FMNL3: variants seen among roughly 807,000 people sequenced by gnomAD.
The protein encoded by FMNL3 is formin like 3, also known as formin-like protein 3.
Under a neutral mutation model 119.6 loss-of-function variants are expected in FMNL3, and 57 were observed. That is an observed-to-expected ratio of 0.48 (90% confidence interval 0.39 to 0.59). The LOEUF (loss-of-function observed/expected upper bound fraction) is 0.59, where lower values mean the gene tolerates loss of function less well. Among genes scored for constraint, FMNL3 ranks in the 20% least tolerant of loss-of-function variants. The pLI is 0.00. For missense variants in FMNL3, 1,053 were observed against 1,323.5 expected, an observed-to-expected ratio of 0.80 and a Z score of 3.17; for synonymous variants, 491 against 507.3, an observed-to-expected ratio of 0.97 and a Z score of 0.43.
rs112175147 is a variant in FMNL3, at chr12:49,649,201, T to C, written c.2386-43A>G. ...GGCGGTGCACAAGAGCTAAGCACTCTGGCTCCACAACTGCTGCCCCCCAGG... is the reference window on the plus strand; with the variant it reads ...GGCGGTGCACAAGAGCTAAGCACTCCGGCTCCACAACTGCTGCCCCCCAGG... On this transcript the variant is annotated intron_variant, in intron 20 of 25. Coordinates refer to ENST00000335154, the MANE Select transcript of FMNL3 (RefSeq NM_175736.5). The surrounding 1 kb of genome is among the most constrained non-coding windows in gnomAD (Gnocchi z 5.6). 1.0e-4 allele frequency: 167 copies of C among 1,612,850 alleles called. No homozygotes were observed. In the African/African-American group the frequency reaches 1.9e-3, roughly 19 times the overall value.
In FMNL3 at chr12:49,645,982, A is replaced by T; in HGVS notation, c.2996-79T>A. The T allele has an allele frequency of 2.4e-6, 3 of 1,247,386 alleles. No individual in the cohort carries two copies. The South Asian group carries it at 4.0e-5, about 17-fold the overall frequency. 77.3% of individuals were successfully genotyped at this position (1,247,386 alleles called of 1,614,324 possible). ...TGCCCTCAAGAGCAGCCCCACAGGT[A>T]GGGCCAGGGAGGAGCCAGCAGTGAG... On this transcript the variant is annotated intron_variant, in intron 25 of 25. Transcript: ENST00000335154.
Position 49,645,740 on chromosome 12 carries a change from C to T in FMNL3, c.*75G>A. ...GAGCAACACAGCCCTCTCCTGAGCC[C>T]TTGGCCAATTCCAGGTCCACTGGTT... On this transcript the variant is annotated 3_prime_UTR_variant, in exon 26 of 26. Transcript: ENST00000335154. The T allele has an allele frequency of 7.5e-7, 1 of 1,339,018 alleles. No homozygotes were observed. The highest frequency in any genetic ancestry group is 1.0e-6 in the Non-Finnish European group (1 of 970,770). 82.9% of individuals were successfully genotyped at this position (1,339,018 alleles called of 1,614,324 possible). A position where few individuals can be genotyped will look rare whatever the true frequency, so the allele number is the denominator to read the frequency against.
At chr12:49,655,215 T>C (rs1297034093) in intron 9 of FMNL3, among the ~76,000 whole-genome samples, 1 of 152,188 alleles carries the variant, frequency 6.6e-6, no homozygotes, top group African/African-American at 2.4e-5. Flanking sequence ...GCACATCACC[T>C]GAGGTTAGGA....
At position 49,643,992 on chromosome 12, in the gene FMNL3, C is replaced by T. The variant is rs772664757; in HGVS notation, c.*1823G>A. ...CTAACCGTTCCCCAGGCTTTGGAAT[C>T]AAGAAGGAGAAGGTGAGGGGCAGGG... On this transcript the variant is annotated 3_prime_UTR_variant, in exon 26 of 26. Transcript: ENST00000335154. The T allele has an allele frequency of 6.2e-7, 1 of 1,614,170 alleles. No homozygotes were observed. The highest frequency in any genetic ancestry group is 1.1e-5 in the South Asian group (1 of 91,074).
intron 1 of FMNL3, among the ~76,000 whole-genome samples, chr12:49,698,126 T>C (rs1944802095): frequency 6.6e-6 from 1 of 152,138 alleles, no homozygotes; most frequent in Non-Finnish European, 1.5e-5. Context: ...ACCGTACAAT[T>C]AAAAGAGGAT....
chr12:49,645,634 C>A lies in FMNL3; in HGVS notation c.*181G>T, dbSNP rs1943150016. The A allele has an allele frequency of 1.8e-6, 1 of 564,570 alleles. No homozygotes were observed. The highest frequency in any genetic ancestry group is 3.1e-6 in the Non-Finnish European group (1 of 324,976). 35.0% of individuals were successfully genotyped at this position (564,570 alleles called of 1,614,324 possible). ...GGGGCAAAGTGCAGTACTGGAAGCA[C>A]CAGGGACCTACAGACCTAGTGCCCA... On this transcript the variant is annotated 3_prime_UTR_variant, in exon 26 of 26. Coordinates refer to ENST00000335154, the MANE Select transcript of FMNL3 (RefSeq NM_175736.5).
At chr12:49,679,002 A>G (rs984338367) in intron 1 of FMNL3, among the ~76,000 whole-genome samples, 4 of 152,244 alleles carry the variant, frequency 2.6e-5, no homozygotes, top group Admixed American at 6.5e-5. Flanking sequence ...AGTAGGTGGC[A>G]TAAGTAGGAT....
intron 1 of FMNL3, among the ~76,000 whole-genome samples, chr12:49,677,110 T>A (rs1248296899): frequency 6.6e-6 from 1 of 152,186 alleles, no homozygotes; most frequent in Non-Finnish European, 1.5e-5. Flanking sequence ...ATGCTCCTCC[T>A]CCAATTCACA....
rs1047991291 is a variant in FMNL3 at position 49,638,192 on chromosome 12, A to C, written c.*7623T>G. On this transcript the variant is annotated 3_prime_UTR_variant, in exon 26 of 26. Coordinates refer to ENST00000335154, the MANE Select transcript of FMNL3 (RefSeq NM_175736.5). ...GGGTGGAAAGGGCATGCCAGGTCTGAGGAGGAAGAAGCATAGCTAATTGTA... is the reference window on the plus strand; with the variant it reads ...GGGTGGAAAGGGCATGCCAGGTCTGCGGAGGAAGAAGCATAGCTAATTGTA... The C allele has an allele frequency of 1.0e-5, 2 of 197,972 alleles. No individual in the cohort carries two copies. Among genetic ancestry groups the C allele is most frequent in the Non-Finnish European group, 2.1e-5 (2 of 96,754 alleles). 12.3% of individuals were successfully genotyped at this position (197,972 alleles called of 1,614,324 possible).
chr12:49,645,539 C>A lies in FMNL3; in HGVS notation c.*276G>T. 2.3e-6 allele frequency: 1 copy of A among 440,084 alleles called. No individual in the cohort carries two copies. Among genetic ancestry groups the A allele is most frequent in the Non-Finnish European group, 4.0e-6 (1 of 249,034 alleles). The allele number at this position is 440,084 out of a possible 1,614,324, so 27.3% of individuals were successfully genotyped here. On this transcript the variant is annotated 3_prime_UTR_variant, in exon 26 of 26. Transcript: ENST00000335154. ...TCTATGTGCCCTGTTTAGGCTAAGG[C>A]TGGAAATGGTTTTTCCTAGCCCTGA...
intron 1 of FMNL3, among the ~76,000 whole-genome samples, chr12:49,693,062 A>G (rs571043204): frequency 6.6e-6 from 1 of 152,360 alleles, no homozygotes; most frequent in Non-Finnish European, 1.5e-5. Context: ...CAGGTGTCAA[A>G]TGATGCAATC....
chr12:49,641,924 T>C lies in FMNL3; in HGVS notation c.*3891A>G. ...TACCCACAGGACCGGGGCTTCTGCGTGGAGGTGAACACGGCCTTTGAGGAC... is the reference window on the plus strand; with the variant it reads ...TACCCACAGGACCGGGGCTTCTGCGCGGAGGTGAACACGGCCTTTGAGGAC... On this transcript the variant is annotated 3_prime_UTR_variant, in exon 26 of 26. Coordinates refer to ENST00000335154, the MANE Select transcript of FMNL3 (RefSeq NM_175736.5). 1 of 1,613,550 alleles carries C rather than the reference T, an allele frequency of 6.2e-7. No individual in the cohort carries two copies. The highest frequency in any genetic ancestry group is 1.1e-5 in the South Asian group (1 of 91,066).
At chr12:49,684,614 C>T (rs367657213) in intron 1 of FMNL3, among the ~76,000 whole-genome samples, 2 of 152,276 alleles carry the variant, frequency 1.3e-5, no homozygotes, top group South Asian at 2.1e-4. Context: ...GACGCCACCG[C>T]GACCTGTTGC....
chr12:49,678,489 G>A (rs749059542), intron 1 of FMNL3, among the ~76,000 whole-genome samples: 16 of 151,342 alleles, frequency 1.1e-4, no homozygotes, highest in Non-Finnish European at 1.9e-4. Flanking sequence ...TTGAGACAGG[G>A]TCTCACTTTG....
chr12:49,677,953 C>A (rs1944234936), intron 1 of FMNL3, among the ~76,000 whole-genome samples: 1 of 152,148 alleles, frequency 6.6e-6, no homozygotes, highest in Non-Finnish European at 1.5e-5. Flanking sequence ...AGCTCTGCGT[C>A]CCAGGTTCAC....
Position 49,705,218 on chromosome 12 carries a change from G to C in FMNL3, c.126+1837C>G, listed in dbSNP as rs140615821. Among the ~76,000 whole-genome samples the C allele has an allele frequency of 7.5e-3, 1,149 of 152,194 alleles. 14 individuals are homozygous for C. The highest frequency in any genetic ancestry group is 0.026 in the African/African-American group (1,062 of 41,522). ...CACAGAAACAAGACCAAAACAAAAG[G>C]CATGAGGAAACAAATCAAAATTTTA... On this transcript the variant is annotated intron_variant, in intron 1 of 25. Transcript: ENST00000335154.
At chr12:49,658,319 G>A (rs1261402281) in intron 6 of FMNL3, 123 bp downstream of exon 6, 35 of 1,361,946 alleles carry the variant, frequency 2.6e-5, no homozygotes, top group Admixed American at 8.5e-5. Context: ...GGCAGGCAGA[G>A]GGCAAGAGAG....
At chr12:49,681,925 C>T (rs1944346101) in intron 1 of FMNL3, among the ~76,000 whole-genome samples, 3 of 152,046 alleles carry the variant, frequency 2.0e-5, no homozygotes, top group African/African-American at 7.2e-5. Flanking sequence ...ATATCTGCCT[C>T]TTAAAAATGA....
chr12:49,639,773 CAG>C lies in FMNL3; in HGVS notation c.*6040_*6041del, dbSNP rs1015689207. 5.9e-5 allele frequency: 9 copies of C among 151,938 alleles called. No individual in the cohort carries two copies. The highest frequency in any genetic ancestry group is 2.2e-4 in the African/African-American group (9 of 41,362). The allele number at this position is 151,938 out of a possible 1,614,324, so 9.4% of individuals were successfully genotyped here. On this transcript the variant is annotated 3_prime_UTR_variant, in exon 26 of 26. Coordinates refer to ENST00000335154, the MANE Select transcript of FMNL3 (RefSeq NM_175736.5). ...GTGAAATGGAGGGAAAGGAAGGAAT[CAG>C]AGGTGTCAGGGCAGTGGATGATGGC...
Sources: allele counts gnomAD v4.1 joint callset (sites outside exome capture counted in the v4.1 genomes callset), GRCh38; gene constraint gnomAD v4.1.1; non-coding constraint Gnocchi (gnomAD v3.1); transcripts MANE v1.5; gene names NCBI Gene and HGNC (gene_info 2026-07-23, HGNC 2026-07-21).